NTRK3: variants seen among roughly 807,000 people sequenced by gnomAD.
NTRK3 encodes NT-3 growth factor receptor.
NTRK3 carries 24 observed loss-of-function variants against 91.7 expected under a neutral mutation model. The ratio of observed to expected loss-of-function variants is 0.26; its 90% CI spans 0.19 to 0.37. The LOEUF is 0.37. Ranked by LOEUF, NTRK3 falls within the 10% of genes least tolerant of loss-of-function variation. NTRK3 has a pLI of 1.00. For missense variants in NTRK3, 880 were observed against 1,068.9 expected, an observed-to-expected ratio of 0.82 and a Z score of 2.46; for synonymous variants, 483 against 404.0, an observed-to-expected ratio of 1.20 and a Z score of -2.34.
intron 3 of NTRK3, among the ~76,000 whole-genome samples, chr15:88,232,713 T>C (rs55773221): frequency 0.017 from 2,539 of 152,016 alleles, 78 homozygotes; most frequent in African/African-American, 0.056. Flanking sequence ...CAGCCAGGAG[T>C]TGGGCAGTGG....
chr15:88,070,952 T>C (rs1182702336), intron 13 of NTRK3, among the ~76,000 whole-genome samples: 2 of 152,058 alleles, frequency 1.3e-5, no homozygotes, highest in Non-Finnish European at 2.9e-5. Flanking sequence ...GAAAAACAGA[T>C]AAATAAAGGC....
chr15:88,045,938 A>G (rs2080143365), intron 13 of NTRK3, among the ~76,000 whole-genome samples: 1 of 152,206 alleles, frequency 6.6e-6, no homozygotes, highest in Admixed American at 6.5e-5. Context: ...TTAAATCTTA[A>G]TTCCATCTGC....
intron 13 of NTRK3, among the ~76,000 whole-genome samples, chr15:88,092,963 A>G (rs756698822): frequency 4.0e-5 from 6 of 151,764 alleles, no homozygotes; most frequent in Non-Finnish European, 5.9e-5. Flanking sequence ...AATCACATCT[A>G]CAAAGACCCT....
intron 3 of NTRK3, among the ~76,000 whole-genome samples, chr15:88,211,693 G>A (rs150073518): frequency 6.6e-6 from 1 of 152,308 alleles, no homozygotes; most frequent in African/African-American, 2.4e-5. Context: ...GTGGCCACAG[G>A]TTTCCTGGCA....
intron 17 of NTRK3, among the ~76,000 whole-genome samples, chr15:87,904,824 C>A (rs2066662800): frequency 6.6e-6 from 1 of 152,116 alleles, no homozygotes; most frequent in Admixed American, 6.5e-5. Flanking sequence ...CACACATATG[C>A]AGAAGAGAGA....
At chr15:88,181,622 C>T (rs2046469866) in intron 5 of NTRK3, among the ~76,000 whole-genome samples, 2 of 152,238 alleles carry the variant, frequency 1.3e-5, no homozygotes. Flanking sequence ...CCTCGCACCA[C>T]AAGCTGGCAC....
chr15:88,086,376 A>G (rs914027119), intron 13 of NTRK3, among the ~76,000 whole-genome samples: 14 of 152,194 alleles, frequency 9.2e-5, no homozygotes, highest in Non-Finnish European at 1.0e-4. Context: ...AACATGCTGG[A>G]TTTCAAGGAC....
intron 3 of NTRK3, among the ~76,000 whole-genome samples, chr15:88,225,783 C>T (rs1380801834): frequency 1.3e-5 from 2 of 152,170 alleles, no homozygotes; most frequent in Non-Finnish European, 2.9e-5. Context: ...GCCCCGTACA[C>T]CACACCTCAC....
chr15:87,939,505 C>T lies in NTRK3; in HGVS notation c.1716+1118G>A, dbSNP rs148963125. ...CCTGCACTGTATTGCCTTCATTCTT[C>T]GAGGCTATTTGCCCTCTGTGGACAG... On this transcript the variant is annotated intron_variant, in intron 15 of 18. Coordinates refer to ENST00000394480, the Ensembl canonical transcript of NTRK3. 3.0e-3 allele frequency among the ~76,000 whole-genome samples: 463 copies of T among 152,252 alleles called. 1 individual carries two copies. Among genetic ancestry groups the T allele is most frequent in the Non-Finnish European group, 4.8e-3 (329 of 68,020 alleles).
At chr15:88,072,484 T>A (rs2047178705) in intron 13 of NTRK3, 1 of 231,480 alleles carries the variant, frequency 4.3e-6, no homozygotes. Flanking sequence ...AAGTCTTTCA[T>A]CAGGCTGAGG....
chr15:87,975,521 C>T (rs1257619423), intron 14 of NTRK3, among the ~76,000 whole-genome samples: 1 of 152,224 alleles, frequency 6.6e-6, no homozygotes, highest in Non-Finnish European at 1.5e-5. Context: ...AGCTGCAGGA[C>T]TGGCTGGTTC....
intron 3 of NTRK3, among the ~76,000 whole-genome samples, chr15:88,229,810 T>G (rs2051014729): frequency 6.6e-6 from 1 of 152,232 alleles, no homozygotes; most frequent in Non-Finnish European, 1.5e-5. Context: ...CATGGTTGTC[T>G]TATACAAGAT....
At chr15:88,164,220 C>T (rs1220166245) in intron 5 of NTRK3, among the ~76,000 whole-genome samples, 2 of 152,224 alleles carry the variant, frequency 1.3e-5, no homozygotes, top group African/African-American at 4.8e-5. Flanking sequence ...GCTGGACCCA[C>T]ACGGTGGTGG....
chr15:87,961,348 G>A (rs2072267706), intron 14 of NTRK3, among the ~76,000 whole-genome samples: 1 of 152,216 alleles, frequency 6.6e-6, no homozygotes, highest in Non-Finnish European at 1.5e-5. Flanking sequence ...ATTAAAAGAA[G>A]AACATATGCC....
At chr15:87,894,203 A>G (rs1481245823) in intron 17 of NTRK3, among the ~76,000 whole-genome samples, 1 of 152,152 alleles carries the variant, frequency 6.6e-6, no homozygotes, top group African/African-American at 2.4e-5. Flanking sequence ...GGCCTGTTCC[A>G]CCTTGCTTGG....
At chr15:88,135,867 C>G (rs1272140226) in intron 9 of NTRK3, 32 bp downstream of exon 9, 4 of 1,613,014 alleles carry the variant, frequency 2.5e-6, no homozygotes, top group Non-Finnish European at 3.4e-6. Context: ...GCCCCTCACA[C>G]ACAGCCATCC....
chr15:88,094,880 T>C (rs965599994), intron 13 of NTRK3, among the ~76,000 whole-genome samples: 3 of 152,252 alleles, frequency 2.0e-5, no homozygotes, highest in African/African-American at 7.2e-5. Flanking sequence ...ATTAAGCTGT[T>C]TTAACTCCAT....
intron 3 of NTRK3, among the ~76,000 whole-genome samples, chr15:88,232,851 AGAGTTTTGTG>A (rs779797428): frequency 3.3e-5 from 5 of 152,120 alleles, no homozygotes; most frequent in Non-Finnish European, 7.4e-5. Context: ...TCAACCCTAA[AGAGTTTTGTG>A]GAGTGATGTC....
intron 14 of NTRK3, among the ~76,000 whole-genome samples, chr15:88,021,243 C>T (rs2077567762): frequency 6.6e-6 from 1 of 152,214 alleles, no homozygotes; most frequent in Admixed American, 6.5e-5. Flanking sequence ...ACGTCCTGTC[C>T]CTCCGAGGGG....
Sources: gnomAD v4.1 joint callset for allele counts (sites outside exome capture counted in the v4.1 genomes callset) on GRCh38, gnomAD v4.1.1 for gene constraint, MANE v1.5 for transcripts, NCBI Gene and HGNC (gene_info 2026-07-23, HGNC 2026-07-21) for gene names.